Variants in ZZZ3 observed in about 807,000 individuals in gnomAD.
ZZZ3 encodes the protein ZZ-type zinc finger-containing protein 3.
In ZZZ3, 22 loss-of-function variants were observed where a neutral mutation model predicts 95.2. The observed-to-expected ratio is 0.23, with a 90% CI of 0.17 to 0.33. The LOEUF (loss-of-function observed/expected upper bound fraction) is 0.33. Among genes scored for constraint, ZZZ3 ranks in the 10% least tolerant of loss-of-function variants. The pLI is 1.00. For synonymous variants in ZZZ3, 335 were observed against 358.9 expected (o/e 0.93, Z 0.75); for missense variants, 885 against 1,066.5 (o/e 0.83, Z 2.37).
intron 5 of ZZZ3, among the ~76,000 whole-genome samples, chr1:77,611,527 C>A (rs1665812057): frequency 6.6e-6 from 1 of 151,802 alleles, no homozygotes; most frequent in Admixed American, 6.6e-5. Flanking sequence ...ATAGCCAAAG[C>A]AATCTTGAGC....
chr1:77,587,258 C>CTTTTTTTT (rs34952237), intron 5 of ZZZ3, among the ~76,000 whole-genome samples: 1 of 85,264 alleles, frequency 1.2e-5, no homozygotes, highest in Non-Finnish European at 2.4e-5. Flanking sequence ...AACTTTGACC[C>CTTTTTTTT]TTTTTTTTTT....
intron 5 of ZZZ3, among the ~76,000 whole-genome samples, chr1:77,594,189 T>C (rs1170270672): frequency 6.6e-6 from 1 of 152,278 alleles, no homozygotes; most frequent in East Asian, 1.9e-4. Context: ...AAAAGACCTA[T>C]GTGATAAGTT....
At chr1:77,567,220 T>C (rs1450598617) in intron 13 of ZZZ3, among the ~76,000 whole-genome samples, 1 of 152,190 alleles carries the variant, frequency 6.6e-6, no homozygotes, top group Non-Finnish European at 1.5e-5. Flanking sequence ...TTCTAATGCC[T>C]AAAGGCTTCT....
chr1:77,639,423 C>T, intron 4 of ZZZ3, 26 bp downstream of exon 4: 1 of 1,493,588 alleles, frequency 6.7e-7, no homozygotes, highest in Admixed American at 2.4e-5. Context: ...TAGCTGTCTT[C>T]ACTACTGCAA....
At chr1:77,577,083 T>G (rs1283983019) in intron 11 of ZZZ3, among the ~76,000 whole-genome samples, 1 of 152,222 alleles carries the variant, frequency 6.6e-6, no homozygotes, top group Non-Finnish European at 1.5e-5. Context: ...TCCACCACTA[T>G]GCAGCCTGCC....
At chr1:77,675,109 T>A (rs1488024822) in intron 1 of ZZZ3, among the ~76,000 whole-genome samples, 2 of 151,996 alleles carry the variant, frequency 1.3e-5, no homozygotes, top group African/African-American at 4.8e-5. Context: ...TAAAAAAATG[T>A]AAATAAAAAA....
chr1:77,653,306 T>C (rs917237449), intron 1 of ZZZ3, among the ~76,000 whole-genome samples: 2 of 152,162 alleles, frequency 1.3e-5, no homozygotes, highest in Admixed American at 1.3e-4. Context: ...GTGAGTGCTA[T>C]AGGTATGGGG....
chr1:77,668,997 T>C (rs1186750407), intron 1 of ZZZ3, among the ~76,000 whole-genome samples: 1 of 151,790 alleles, frequency 6.6e-6, no homozygotes, highest in Non-Finnish European at 1.5e-5. Context: ...ATTCTTCAGA[T>C]ATTTTTGTGT....
intron 1 of ZZZ3, among the ~76,000 whole-genome samples, chr1:77,674,565 G>A (rs1341029980): frequency 6.6e-6 from 1 of 152,118 alleles, no homozygotes; most frequent in Non-Finnish European, 1.5e-5. Context: ...ATTCACTGAG[G>A]TGTACATTTA....
intron 12 of ZZZ3, among the ~76,000 whole-genome samples, chr1:77,572,232 C>A (rs139294412): frequency 1.5e-4 from 23 of 152,310 alleles, no homozygotes; most frequent in African/African-American, 3.6e-4. Flanking sequence ...TCAACAACAA[C>A]AAAAATTACA....
intron 1 of ZZZ3, among the ~76,000 whole-genome samples, chr1:77,670,511 G>A (rs1468866049): frequency 1.3e-5 from 2 of 151,920 alleles, no homozygotes; most frequent in African/African-American, 4.8e-5. Flanking sequence ...CGCCCACCTC[G>A]GCCTCTCAAA....
intron 5 of ZZZ3, among the ~76,000 whole-genome samples, chr1:77,600,447 G>A (rs537743232): frequency 1.3e-5 from 2 of 152,020 alleles, no homozygotes; most frequent in African/African-American, 4.8e-5. Flanking sequence ...ATCAGTCAAG[G>A]GAGAAAGCTG....
At chr1:77,612,251 C>T (rs1356253938) in intron 5 of ZZZ3, among the ~76,000 whole-genome samples, 1 of 152,028 alleles carries the variant, frequency 6.6e-6, no homozygotes, top group African/African-American at 2.4e-5. Context: ...TATAACCTCA[C>T]ACCCATAAGG....
chr1:77,610,208 T>C (rs1211571767), intron 5 of ZZZ3, among the ~76,000 whole-genome samples: 1 of 150,934 alleles, frequency 6.6e-6, no homozygotes, highest in African/African-American at 2.4e-5. Flanking sequence ...CTAATTGCTC[T>C]AATTGGAAAA....
chr1:77,621,359 C>T (rs959238952), intron 5 of ZZZ3, among the ~76,000 whole-genome samples: 2 of 151,238 alleles, frequency 1.3e-5, no homozygotes, highest in Middle Eastern at 3.4e-3. Context: ...GGGAGGATCA[C>T]TTGAGCCCAG....
chr1:77,584,705 T>C (rs757069874), intron 5 of ZZZ3, 50 bp from the exon 6 acceptor site: 2 of 1,475,304 alleles, frequency 1.4e-6, no homozygotes, highest in Non-Finnish European at 9.0e-7. Context: ...GTAACAACAA[T>C]AAATAAAAAC....
intron 1 of ZZZ3, among the ~76,000 whole-genome samples, chr1:77,659,349 C>G (rs948584752): frequency 6.6e-6 from 1 of 151,820 alleles, no homozygotes; most frequent in Admixed American, 6.6e-5. Flanking sequence ...TTCTAATATA[C>G]TTAATCAATT....
Position 77,576,138 on chromosome 1 carries a change from A to G in ZZZ3, c.2261T>C (p.Val754Ala). The G allele has an allele frequency of 6.2e-6, 10 of 1,613,724 alleles. No homozygotes were observed. The highest frequency in any genetic ancestry group is 7.6e-6 in the Non-Finnish European group (9 of 1,179,886). The change falls in exon 12 of 15, where the codon GTG becomes GCG. Residue 754 changes from valine (V) to alanine (A), a missense_variant. Val to Ala is a moderately conservative substitution (Grantham distance 64). Around this residue, in one of 5 missense-constraint regions of ZZZ3, gnomAD observed 221 missense variants for 247.8 expected, o/e 0.89. Transcript: ENST00000370801. Reference protein sequence around the residue: ...STFMTSHEPPVYMDEDDDRSC... With the variant: ...STFMTSHEPPAYMDEDDDRSC... ...TCGGTCATCATCTTCATCCATATAC[A>G]CTGGCGGTTCATGTGAAGTCATGAA...
intron 1 of ZZZ3, among the ~76,000 whole-genome samples, chr1:77,660,528 T>C (rs1288391178): frequency 6.6e-6 from 1 of 152,218 alleles, no homozygotes; most frequent in African/African-American, 2.4e-5. Context: ...TCAAGGTTCA[T>C]CCATGTGGCA....
Sources: allele counts gnomAD v4.1 joint callset (sites outside exome capture counted in the v4.1 genomes callset), GRCh38; gene constraint gnomAD v4.1.1; regional missense constraint gnomAD v4.1.1; transcripts MANE v1.5; gene names NCBI Gene and HGNC (gene_info 2026-07-23, HGNC 2026-07-21).